BAZ2B: variants seen among roughly 807,000 people sequenced by gnomAD.
The protein encoded by BAZ2B is bromodomain adjacent to zinc finger domain protein 2B.
A neutral mutation model predicts 246.0 loss-of-function variants in BAZ2B; 91 were observed. The ratio of observed to expected loss-of-function variants is 0.37; its 90% CI spans 0.31 to 0.44. The LOEUF (loss-of-function observed/expected upper bound fraction) is 0.44, where lower values mean the gene tolerates loss of function less well. Ranked by LOEUF, BAZ2B falls within the 20% of genes least tolerant of loss-of-function variation. BAZ2B has a pLI of 1.00. For synonymous variants in BAZ2B, 855 were observed against 860.0 expected (o/e 0.99, Z 0.10); for missense variants, 2,332 against 2,533.7 (o/e 0.92, Z 1.71).
intron 36 of BAZ2B, among the ~76,000 whole-genome samples, chr2:159,322,671 T>G (rs1001354335): frequency 6.6e-6 from 1 of 152,324 alleles, no homozygotes; most frequent in African/African-American, 2.4e-5. Flanking sequence ...ACAACTCATA[T>G]GTGTGTCCTT....
downstream of BAZ2B, among the ~76,000 whole-genome samples, chr2:159,316,008 T>C (rs1031089206): frequency 1.3e-5 from 2 of 152,184 alleles, no homozygotes; most frequent in Admixed American, 6.5e-5. Flanking sequence ...ATTTATAGCA[T>C]AATACAACTG....
At chr2:159,647,365 CA>C in the BAZ2B span, among the ~76,000 whole-genome samples, 1 of 152,172 alleles carries the variant, frequency 6.6e-6, no homozygotes, top group African/African-American at 2.4e-5. Context: ...TCTCCCAGCT[CA>C]ATAGTTAGGC....
At chr2:159,385,909 A>G (rs1374855039) in intron 22 of BAZ2B, among the ~76,000 whole-genome samples, 1 of 152,146 alleles carries the variant, frequency 6.6e-6, no homozygotes, top group Non-Finnish European at 1.5e-5. Context: ...GAATTAAGAT[A>G]AACATGAACT....
At chr2:159,564,009 A>C (rs187221603) in intron 1 of BAZ2B, among the ~76,000 whole-genome samples, 2 of 152,248 alleles carry the variant, frequency 1.3e-5, no homozygotes, top group Non-Finnish European at 2.9e-5. Flanking sequence ...TGAACAAGAC[A>C]AAGTCTCCGC....
rs190530225 is a variant in BAZ2B, at chr2:159,407,666, G to A, written c.2678-2552C>T. On this transcript the variant is annotated intron_variant, in intron 14 of 36. Transcript: ENST00000392783. ...AAAAGGAGAAGAGATTAAAAAAGTC[G>A]AATTTCATCTAGTAAACTGGAAGTG... Among the ~76,000 whole-genome samples, 31 of 152,156 alleles carry A rather than the reference G, an allele frequency of 2.0e-4. 1 individual carries two copies. The Middle Eastern group carries it at 0.01, about 50-fold the overall frequency.
At position 159,348,659 on chromosome 2, in the gene BAZ2B, A is replaced by G. The variant is rs758947083; in HGVS notation, c.5293+19T>C. 5 of 1,573,696 alleles carry G rather than the reference A, an allele frequency of 3.2e-6. No homozygotes were observed. Among genetic ancestry groups the G allele is most frequent in the Non-Finnish European group, 3.4e-6 (4 of 1,167,394 alleles). The stretch of plus-strand genomic sequence containing the variant: ...TAACTAAGCAAGAAAGAAAGCTGAA[A>G]TATCTTTTAGGTACACACCATCCTT... On this transcript the variant is annotated intron_variant, in intron 30 of 36. Coordinates refer to ENST00000392783, the MANE Select transcript of BAZ2B (RefSeq NM_013450.4).
the BAZ2B span, among the ~76,000 whole-genome samples, chr2:159,670,981 A>C: frequency 6.6e-6 from 1 of 152,200 alleles, no homozygotes; most frequent in Non-Finnish European, 1.5e-5. Context: ...CCTGACGAAA[A>C]AATGTTGGCC....
At chr2:159,592,331 T>G (rs185219154) in intron 1 of BAZ2B, among the ~76,000 whole-genome samples, 19 of 152,218 alleles carry the variant, frequency 1.2e-4, no homozygotes, top group Non-Finnish European at 2.6e-4. Flanking sequence ...TTATTTATTT[T>G]TAGAGACAGG....
Position 159,332,671 on chromosome 2 carries a change from G to A in BAZ2B, c.5812C>T (p.Arg1938Ter). ...AGCAGTTCTTCATTATCTCCCTTTC[G>A]ACAGATTTGGCAGTACTATAATACA... ...SIMKVYCQIC[R>*]KGDNEELLLL... The change falls in exon 34 of 37, where the codon CGA becomes TGA. Residue 1938 changes from arginine (R) to a stop codon, truncating the protein, a stop_gained. Coordinates refer to ENST00000392783, the MANE Select transcript of BAZ2B (RefSeq NM_013450.4). LOFTEE classifies it high-confidence loss of function. 6.2e-7 allele frequency: 1 copy of A among 1,613,758 alleles called. No individual in the cohort carries two copies.
chr2:159,494,720 A>T (rs2080882172), intron 2 of BAZ2B, among the ~76,000 whole-genome samples: 1 of 152,206 alleles, frequency 6.6e-6, no homozygotes, highest in South Asian at 2.1e-4. Context: ...AGATACATCA[A>T]AGTTATTTCA....
At chr2:159,437,651 T>A (rs2072630678) in intron 8 of BAZ2B, 1 of 152,444 alleles carries the variant, frequency 6.6e-6, no homozygotes. Context: ...ATGTAGTGGC[T>A]CATGCCTGTA....
At chr2:159,710,231 TG>T in the BAZ2B span, among the ~76,000 whole-genome samples, 1 of 147,990 alleles carries the variant, frequency 6.8e-6, no homozygotes, top group African/African-American at 2.5e-5. Context: ...TTTTTTGAGA[TG>T]GAGTTTCACT....
chr2:159,338,255 C>T (rs79248906), intron 31 of BAZ2B, among the ~76,000 whole-genome samples: 3,006 of 152,190 alleles, frequency 0.02, 43 homozygotes, highest in Non-Finnish European at 0.031. Context: ...ACCTAGTTAA[C>T]GCCACTCATT....
chr2:159,336,685 G>C (rs922656013), intron 33 of BAZ2B, among the ~76,000 whole-genome samples: 1 of 152,148 alleles, frequency 6.6e-6, no homozygotes, highest in Non-Finnish European at 1.5e-5. Context: ...ATGGAATGTG[G>C]GAGACAACTT....
At chr2:159,594,106 T>TA (rs1690032160) in intron 1 of BAZ2B, among the ~76,000 whole-genome samples, 1 of 152,092 alleles carries the variant, frequency 6.6e-6, no homozygotes, top group Non-Finnish European at 1.5e-5. Context: ...GCATGTGCAT[T>TA]AAAAAACAAA....
intron 1 of BAZ2B, among the ~76,000 whole-genome samples, chr2:159,579,303 G>A (rs963466380): frequency 3.3e-5 from 5 of 152,106 alleles, no homozygotes; most frequent in South Asian, 2.1e-4. Context: ...ACACCTCTAC[G>A]CAAATAAACA....
chr2:159,383,303 G>GA (rs1325965706), intron 24 of BAZ2B, among the ~76,000 whole-genome samples: 2 of 152,068 alleles, frequency 1.3e-5, no homozygotes, highest in Admixed American at 6.6e-5. Context: ...TTCTGTTTGT[G>GA]ATAAAAGCAA....
upstream of BAZ2B, among the ~76,000 whole-genome samples, chr2:159,619,732 A>T (rs1696356660): frequency 1.3e-5 from 2 of 152,046 alleles, no homozygotes; most frequent in Non-Finnish European, 1.5e-5. Context: ...CTTACTAAGA[A>T]ATTGTGCTTA....
chr2:159,679,113 A>C, the BAZ2B span, among the ~76,000 whole-genome samples: 1 of 151,988 alleles, frequency 6.6e-6, no homozygotes, highest in Non-Finnish European at 1.5e-5. Flanking sequence ...TCTGCTAAAA[A>C]TACAAAAAAT....
Sources: gnomAD v4.1 joint callset for allele counts (sites outside exome capture counted in the v4.1 genomes callset) on GRCh38, gnomAD v4.1.1 for gene constraint, MANE v1.5 for transcripts, NCBI Gene and HGNC (gene_info 2026-07-23, HGNC 2026-07-21) for gene names.